The following EXOC6 variants were observed in gnomAD, a reference collection of about 807,000 sequenced individuals.
EXOC6 encodes SEC15-like 1.
In EXOC6, 60 loss-of-function variants were observed where a neutral mutation model predicts 112.5. That is an observed-to-expected ratio of 0.53 (90% CI 0.43 to 0.66). The LOEUF is 0.66. Ranked by LOEUF, EXOC6 falls within the 30% of genes least tolerant of loss-of-function variation. The pLI is 0.00. For synonymous variants in EXOC6, 295 were observed against 308.0 expected, an observed-to-expected ratio of 0.96 and a Z score of 0.44; for missense variants, 855 against 957.1, an observed-to-expected ratio of 0.89 and a Z score of 1.41.
At chr10:92,949,492 G>GT (rs77187087) in intron 14 of EXOC6, among the ~76,000 whole-genome samples, 2,208 of 137,796 alleles carry the variant, frequency 0.016, 23 homozygotes, top group South Asian at 0.05. Context: ...TCATGGCTTA[G>GT]TTTTTTTTTT....
At chr10:92,862,048 A>G (rs768045887) in intron 1 of EXOC6, among the ~76,000 whole-genome samples, 88 of 152,374 alleles carry the variant, frequency 5.8e-4, no homozygotes, top group Middle Eastern at 6.8e-3. Flanking sequence ...AGTGACATTT[A>G]GTACATTCAC....
chr10:92,943,868 G>T (rs1802830338), intron 13 of EXOC6, among the ~76,000 whole-genome samples: 1 of 152,032 alleles, frequency 6.6e-6, no homozygotes, highest in South Asian at 2.1e-4. Context: ...AAACATCTTG[G>T]CATCTCCCTA....
intron 9 of EXOC6, among the ~76,000 whole-genome samples, chr10:92,928,642 C>A (rs7092086): frequency 0.023 from 3,283 of 143,970 alleles, 56 homozygotes; most frequent in African/African-American, 0.042. Context: ...AGATAGACAG[C>A]GAATTTAAAA....
chr10:92,872,488 C>A (rs1848499446), intron 1 of EXOC6, among the ~76,000 whole-genome samples: 1 of 152,018 alleles, frequency 6.6e-6, no homozygotes, highest in African/African-American at 2.4e-5. Context: ...CAGTTTTATA[C>A]ACATACATGC....
rs536099263 is a variant in EXOC6 at position 93,027,535 on chromosome 10, A to G, written c.2169+13268A>G. Among the ~76,000 whole-genome samples the G allele has an allele frequency of 6.6e-5, 10 of 152,344 alleles. No individual in the cohort carries two copies. The South Asian group carries it at 2.1e-3, about 32-fold the overall frequency. On this transcript the variant is annotated intron_variant, in intron 20 of 21. Coordinates refer to ENST00000260762, the MANE Select transcript of EXOC6 (RefSeq NM_019053.6). ...CAAAGGACATTCAGACTGTCTTGTT[A>G]GGGACTAATGCATCTGGTGACTTTA...
Position 92,896,198 on chromosome 10 carries a change from T to A in EXOC6, c.412+1178T>A, listed in dbSNP as rs1410500272. 4.6e-3 allele frequency among the ~76,000 whole-genome samples: 183 copies of A among 39,470 alleles called. 4 individuals are homozygous for A. Among genetic ancestry groups the A allele is most frequent in the African/African-American group, 0.012 (99 of 8,318 alleles). The allele number at this position is 39,470 out of a possible 152,430, so 25.9% of individuals were successfully genotyped here. A position where few individuals can be genotyped will look rare whatever the true frequency, so the allele number is the denominator to read the frequency against. On this transcript the variant is annotated intron_variant, in intron 4 of 21. Coordinates refer to ENST00000260762, the MANE Select transcript of EXOC6 (RefSeq NM_019053.6). Reference sequence around the variant, plus strand: ...ATATATATATTTTTTTTTTTTTTTTTTTTTTTTTTTTTTTTTTTTGGCGGA... The same window carrying A: ...ATATATATATTTTTTTTTTTTTTTTATTTTTTTTTTTTTTTTTTTGGCGGA...
At chr10:93,000,887 T>C (rs925520915) in intron 19 of EXOC6, among the ~76,000 whole-genome samples, 2 of 152,210 alleles carry the variant, frequency 1.3e-5, no homozygotes, top group African/African-American at 4.8e-5. Context: ...CTTCTGACTT[T>C]CAGTGATTGA....
At chr10:92,963,817 A>G (rs1030080658) in intron 17 of EXOC6, among the ~76,000 whole-genome samples, 2 of 152,200 alleles carry the variant, frequency 1.3e-5, no homozygotes, top group African/African-American at 4.8e-5. Flanking sequence ...AGAGATTTCT[A>G]GAACTTTATG....
At chr10:92,832,005 C>T (rs78665246), upstream of EXOC6, among the ~76,000 whole-genome samples, 1 of 152,304 alleles carries the variant, frequency 6.6e-6, no homozygotes, top group African/African-American at 2.4e-5. Flanking sequence ...GATCAGTCAT[C>T]ACAGATGTAT....
At chr10:92,908,926 A>G (rs1202190093) in intron 5 of EXOC6, among the ~76,000 whole-genome samples, 4 of 151,966 alleles carry the variant, frequency 2.6e-5, no homozygotes, top group African/African-American at 9.7e-5. Context: ...TGTGTGTGTG[A>G]TACTTAACAG....
At chr10:92,850,814 A>G (rs1170574882) in intron 1 of EXOC6, among the ~76,000 whole-genome samples, 3 of 152,136 alleles carry the variant, frequency 2.0e-5, no homozygotes, top group Non-Finnish European at 4.4e-5. Context: ...TAGACTTATC[A>G]TTTTATTTAT....
At chr10:93,007,288 AT>A (rs58873245) in intron 19 of EXOC6, among the ~76,000 whole-genome samples, 77,673 of 150,092 alleles carry the variant, frequency 0.52, 21,498 homozygotes, top group East Asian at 0.92. Context: ...CTACTCAAAA[AT>A]TTTTTTTTTT....
Position 92,896,157 on chromosome 10 carries a change from A to G in EXOC6, c.412+1137A>G, listed in dbSNP as rs188156396. 1.1e-3 allele frequency among the ~76,000 whole-genome samples: 18 copies of G among 15,708 alleles called. 1 individual carries two copies. Among genetic ancestry groups the G allele is most frequent in the East Asian group, 6.6e-3 (1 of 152 alleles). 10.3% of individuals were successfully genotyped at this position (15,708 alleles called of 152,430 possible). ...TGTGTGTATGTATGTGTATATATAT[A>G]TATATATATATATATATATATATAT... On this transcript the variant is annotated intron_variant, in intron 4 of 21. Coordinates refer to ENST00000260762, the MANE Select transcript of EXOC6 (RefSeq NM_019053.6).
chr10:92,920,296 G>T (rs1434596345), intron 8 of EXOC6, among the ~76,000 whole-genome samples: 1 of 151,990 alleles, frequency 6.6e-6, no homozygotes, highest in African/African-American at 2.4e-5. Context: ...TATTGCCTTT[G>T]TGCTGTTGTT....
chr10:92,989,585 C>T (rs1231602595), intron 18 of EXOC6, among the ~76,000 whole-genome samples: 3 of 152,158 alleles, frequency 2.0e-5, no homozygotes, highest in Admixed American at 2.0e-4. Flanking sequence ...AAATTCCCAA[C>T]ATTAAGGAGA....
intron 8 of EXOC6, among the ~76,000 whole-genome samples, chr10:92,922,708 C>T (rs1170934469): frequency 6.6e-6 from 1 of 152,170 alleles, no homozygotes; most frequent in Non-Finnish European, 1.5e-5. Context: ...ATTTTTCAGA[C>T]TTTGAGAAGT....
chr10:92,983,844 T>A (rs2134131281), intron 18 of EXOC6, among the ~76,000 whole-genome samples: 1 of 152,170 alleles, frequency 6.6e-6, no homozygotes, highest in East Asian at 1.9e-4. Context: ...GTACTTCTAT[T>A]TCTGGTTCTT....
intron 9 of EXOC6, among the ~76,000 whole-genome samples, chr10:92,932,215 T>C (rs1280205067): frequency 1.3e-5 from 2 of 152,196 alleles, no homozygotes; most frequent in African/African-American, 4.8e-5. Context: ...ATATATAATA[T>C]GAGTAATGTT....
chr10:93,009,273 G>T (rs1844133108), intron 19 of EXOC6, among the ~76,000 whole-genome samples: 1 of 152,098 alleles, frequency 6.6e-6, no homozygotes. Context: ...TTTCATTATT[G>T]CAGAACATTC....
Sources: gnomAD v4.1 joint callset for allele counts (sites outside exome capture counted in the v4.1 genomes callset) on GRCh38, gnomAD v4.1.1 for gene constraint, MANE v1.5 for transcripts, NCBI Gene and HGNC (gene_info 2026-07-23, HGNC 2026-07-21) for gene names.